The following IL1R1 variants were observed in gnomAD, a reference collection of about 807,000 sequenced individuals.
IL1R1 encodes interleukin 1 receptor type 1, also known as interleukin-1 receptor type 1.
Under a neutral mutation model 50.2 loss-of-function variants are expected in IL1R1, and 22 were observed. That is an observed-to-expected ratio of 0.44 (90% CI 0.31 to 0.63). IL1R1 has a LOEUF of 0.63. IL1R1 is among the 20% of genes least tolerant of loss of function. IL1R1 has a pLI of 0.07. For missense variants in IL1R1, 509 were observed against 676.2 expected (o/e 0.75, Z 2.74); for synonymous variants, 251 against 236.7 (o/e 1.06, Z -0.55).
intron 3 of IL1R1, among the ~76,000 whole-genome samples, chr2:102,160,966 TAG>T (rs1684669681): frequency 6.6e-6 from 1 of 152,160 alleles, no homozygotes; most frequent in African/African-American, 2.4e-5. Context: ...GACCCAGGCA[TAG>T]AATCTCTGCT....
intron 3 of IL1R1, among the ~76,000 whole-genome samples, 196 bp downstream of exon 3, chr2:102,157,981 G>A (rs752693874): frequency 1.8e-4 from 27 of 152,206 alleles, no homozygotes; most frequent in Non-Finnish European, 3.7e-4. Context: ...CATATAGAGT[G>A]GGAAACTGAG....
chr2:102,129,256 TACAACAACAACAACAACA>T (rs71866133), intron 1 of IL1R1, among the ~76,000 whole-genome samples: 105 of 149,522 alleles, frequency 7.0e-4, no homozygotes, highest in African/African-American at 2.4e-3. Context: ...CCCAAAAACC[TACAACAACAACAACAACA>T]ACAACAACAA....
At position 102,112,766 on chromosome 2, in the gene IL1R1, G is replaced by A. The variant is rs146938811; in HGVS notation, c.-84+7894G>A. ...TTAGGCGTTGGGTTTTCCTTTGTCT[G>A]TGTACATAGATTGAATGTCTGTGTG... On this transcript the variant is annotated intron_variant, in intron 1 of 10. Coordinates refer to the IL1R1 transcript ENST00000409329. 5.1e-3 allele frequency among the ~76,000 whole-genome samples: 776 copies of A among 152,310 alleles called. 5 individuals are homozygous for A. Among genetic ancestry groups the A allele is most frequent in the Non-Finnish European group, 7.4e-3 (501 of 68,028 alleles).
chr2:102,161,734 G>C (rs1331390441), intron 3 of IL1R1, among the ~76,000 whole-genome samples: 1 of 151,872 alleles, frequency 6.6e-6, no homozygotes, highest in African/African-American at 2.4e-5. Flanking sequence ...AAGTCTCTCT[G>C]TGTCACCCAG....
At chr2:102,120,249 G>C (rs957794146) in intron 1 of IL1R1, among the ~76,000 whole-genome samples, 1 of 152,146 alleles carries the variant, frequency 6.6e-6, no homozygotes, top group South Asian at 2.1e-4. Flanking sequence ...ATGAACGTGT[G>C]TGTGGGTTTT....
At chr2:102,155,644 C>T (rs1684115132) in intron 2 of IL1R1, among the ~76,000 whole-genome samples, 1 of 152,172 alleles carries the variant, frequency 6.6e-6, no homozygotes, top group Non-Finnish European at 1.5e-5. Context: ...TCCCAAAAGC[C>T]CGCTGCTGAG....
At chr2:102,151,603 C>G (rs1683657428) in intron 1 of IL1R1, among the ~76,000 whole-genome samples, 1 of 152,244 alleles carries the variant, frequency 6.6e-6, no homozygotes, top group Non-Finnish European at 1.5e-5. Context: ...AGGCCAACAA[C>G]TAGGGAGCTA....
chr2:102,129,733 A>G (rs994422626), intron 1 of IL1R1, among the ~76,000 whole-genome samples: 3 of 152,104 alleles, frequency 2.0e-5, no homozygotes, highest in South Asian at 2.1e-4. Flanking sequence ...CTATGTAGAC[A>G]CTTTCATGAA....
At chr2:102,077,065 CTTTCTT>C (rs1288788742) in intron 1 of IL1R1, among the ~76,000 whole-genome samples, 1 of 151,708 alleles carries the variant, frequency 6.6e-6, no homozygotes, top group Non-Finnish European at 1.5e-5. Flanking sequence ...GTTTTTCTTT[CTTTCTT>C]TTTATTTTAT....
intron 1 of IL1R1, among the ~76,000 whole-genome samples, chr2:102,081,085 A>C (rs10181425): frequency 1.3e-5 from 2 of 151,958 alleles, no homozygotes; most frequent in African/African-American, 2.4e-5. Context: ...ATTGCTAATG[A>C]GTATGAAGTT....
chr2:102,124,417 C>T (rs549810821), intron 1 of IL1R1, among the ~76,000 whole-genome samples: 45 of 151,238 alleles, frequency 3.0e-4, no homozygotes, highest in Non-Finnish European at 4.9e-4. Context: ...AAGACTCCAT[C>T]TCCCCCCCAC....
rs1686117215 is a variant in IL1R1, at chr2:102,176,199, A to G, written c.1304-154A>G. ...AAGAGACTGTCTCTTAAAATTAATT[A>G]ATTAAAAACATGGGAAACTCCTTTA... On this transcript the variant is annotated intron_variant, in intron 11 of 11. Coordinates refer to ENST00000410023, the MANE Select transcript of IL1R1 (RefSeq NM_000877.4). The G allele has an allele frequency of 1.1e-5, 7 of 634,246 alleles. No homozygotes were observed. The Admixed American group carries it at 1.5e-4, about 14-fold the overall frequency. The allele number at this position is 634,246 out of a possible 1,614,324, so 39.3% of individuals were successfully genotyped here. A position where few individuals can be genotyped will look rare whatever the true frequency, so the allele number is the denominator to read the frequency against.
chr2:102,155,689 C>T (rs1684121116), intron 2 of IL1R1, among the ~76,000 whole-genome samples: 1 of 152,160 alleles, frequency 6.6e-6, no homozygotes, highest in Non-Finnish European at 1.5e-5. Flanking sequence ...TGACTGTTTC[C>T]CAGAGCAGCT....
At position 102,142,781 on chromosome 2, in the gene IL1R1, C is replaced by G. The variant is rs1265181509; in HGVS notation, c.-323C>G. 36 of 148,614 alleles carry G rather than the reference C, an allele frequency of 2.4e-4. 1 individual carries two copies. The highest frequency in any genetic ancestry group is 8.3e-4 in the African/African-American group (34 of 41,102). The allele number at this position is 148,614 out of a possible 1,614,324, so 9.2% of individuals were successfully genotyped here. On this transcript the variant is annotated 5_prime_UTR_variant, in exon 1 of 12. Coordinates refer to ENST00000410023, the MANE Select transcript of IL1R1 (RefSeq NM_000877.4). ...CGCGAGGGCGGGCGCAGCTTGTGGC[C>G]GGCGGCCGGAGCCGACTCGGAGCGC... is the stretch of plus-strand genomic sequence containing the variant.
At chr2:102,117,383 G>C (rs1284241298) in intron 1 of IL1R1, among the ~76,000 whole-genome samples, 1 of 152,186 alleles carries the variant, frequency 6.6e-6, no homozygotes, top group Non-Finnish European at 1.5e-5. Flanking sequence ...AGAGGTCACT[G>C]TGGGCCTCTC....
intron 1 of IL1R1, among the ~76,000 whole-genome samples, chr2:102,121,122 G>A (rs1355596097): frequency 1.3e-5 from 2 of 152,092 alleles, no homozygotes; most frequent in Non-Finnish European, 2.9e-5. Context: ...TTGGTCAATG[G>A]CCACGCTGTG....
intron 9 of IL1R1, 21 bp from the exon 10 acceptor site, chr2:102,174,564 CTT>C: frequency 1.3e-6 from 2 of 1,490,182 alleles, no homozygotes; most frequent in African/African-American, 1.4e-5. Context: ...ATTTTTTCTC[CTT>C]TTTTTTTCTT....
upstream of IL1R1, among the ~76,000 whole-genome samples, chr2:102,099,998 C>T (rs1322495862): frequency 6.6e-6 from 1 of 152,150 alleles, no homozygotes; most frequent in Non-Finnish European, 1.5e-5. Flanking sequence ...CTTGCCTGCT[C>T]TGCCCTTCTG....
At chr2:102,137,937 A>T (rs1467975099), upstream of IL1R1, among the ~76,000 whole-genome samples, 2 of 152,208 alleles carry the variant, frequency 1.3e-5, no homozygotes, top group African/African-American at 4.8e-5. Context: ...AAAGTGACAA[A>T]ACTTAGAGAT....
Sources: gnomAD v4.1 joint callset for allele counts (sites outside exome capture counted in the v4.1 genomes callset) on GRCh38, gnomAD v4.1.1 for gene constraint, MANE v1.5 for transcripts, NCBI Gene and HGNC (gene_info 2026-07-23, HGNC 2026-07-21) for gene names.